AXIN1: variants seen among roughly 807,000 people sequenced by gnomAD.
AXIN1 encodes axin-1.
A neutral mutation model predicts 76.4 loss-of-function variants in AXIN1; 30 were observed. The ratio of observed to expected loss-of-function variants is 0.39; its 90% CI spans 0.29 to 0.53. The LOEUF (loss-of-function observed/expected upper bound fraction) is 0.53, where lower values mean the gene tolerates loss of function less well. AXIN1 is among the 20% of genes least tolerant of loss of function. The pLI is 0.66. For missense variants in AXIN1, 1,140 were observed against 1,198.8 expected, an observed-to-expected ratio of 0.95 and a Z score of 0.72; for synonymous variants, 545 against 501.4, an observed-to-expected ratio of 1.09 and a Z score of -1.16.
In AXIN1 at chr16:297,730, G is replaced by A. The variant is rs1467012917; in HGVS notation, c.1776C>T (p.Leu592=). The part of the protein sequence containing the change: ...VGAAPNASDG[L]AHSGKVGVAC... Reference sequence around the variant, plus strand: ...GACAGGCGCACGCTCACCTGTGGGCGAGGCCATCACTGGCGTTGGGGGCAG... The same window carrying A: ...GACAGGCGCACGCTCACCTGTGGGCAAGGCCATCACTGGCGTTGGGGGCAG... Residue 592 remains leucine, a synonymous_variant, in exon 6 of 11, where the codon CTC becomes CTT. Coordinates refer to ENST00000262320, the MANE Select transcript of AXIN1 (RefSeq NM_003502.4). 7 of 1,597,874 alleles carry A rather than the reference G, an allele frequency of 4.4e-6. No homozygotes were observed. The highest frequency in any genetic ancestry group is 1.1e-5 in the South Asian group (1 of 90,150).
chr16:334,422 TA>T (rs1567299018), intron 2 of AXIN1, among the ~76,000 whole-genome samples: 1 of 129,572 alleles, frequency 7.7e-6, no homozygotes, highest in African/African-American at 3.2e-5. Flanking sequence ...CATGGCATGC[TA>T]ATTACACAGC....
chr16:328,533 TAA>T (rs1036592793), intron 2 of AXIN1, among the ~76,000 whole-genome samples: 2 of 119,044 alleles, frequency 1.7e-5, no homozygotes, highest in Non-Finnish European at 1.8e-5. Context: ...CCATCTCTAC[TAA>T]AAAAAAAAAA....
Position 346,835 on chromosome 16 carries a change from G to A in AXIN1, c.191C>T (p.Ser64Leu), listed in dbSNP as rs1263260045. The A allele has an allele frequency of 4.3e-6, 7 of 1,613,344 alleles. No homozygotes were observed. Among genetic ancestry groups the A allele is most frequent in the African/African-American group, 4.0e-5 (3 of 74,944 alleles). Residue 64 changes from serine to leucine, a missense_variant, in exon 2 of 11, where the codon TCG becomes TTG. Physicochemically the swap from Ser to Leu is moderately radical, Grantham distance 145. Around this residue, in one of 3 missense-constraint regions of AXIN1, gnomAD observed 708 missense variants for 776.9 expected, o/e 0.91. Transcript: ENST00000262320. ...GETSTATPRR[S>L]DLDLGYEPEG... ...AGGCTCATACCCCAGGTCCAGATCC[G>A]AGCGCCTCGGAGTGGCCGTCGAAGT... is the stretch of plus-strand genomic sequence containing the variant.
In AXIN1 at chr16:346,465, G is replaced by T. The variant is rs149775058; in HGVS notation, c.561C>A (p.Thr187=). The change falls in exon 2 of 11, where the codon ACC becomes ACA. Residue 187 remains threonine (T), a synonymous_variant. Transcript: ENST00000262320. The stretch of plus-strand genomic sequence containing the variant: ...TTTCCTCCATAGTGGCCTGGATTTC[G>T]GTCTGGGCCTGGTCAAACATGGCAG... ...IDPAMFDQAQ[T]EIQATMEENT... is the part of the protein sequence containing the mutation. 1.2e-6 allele frequency: 2 copies of T among 1,614,122 alleles called. No individual in the cohort carries two copies. The highest frequency in any genetic ancestry group is 1.7e-6 in the Non-Finnish European group (2 of 1,180,036).
At position 289,614 on chromosome 16, in the gene AXIN1, A is replaced by G. The variant is rs1477383503; in HGVS notation, c.2295-7T>C. On this transcript the variant is annotated splice_region_variant and splice_polypyrimidine_tract_variant and intron_variant, in intron 9 of 10. Transcript: ENST00000262320. Reference sequence around the variant, plus strand: ...CTTCCTCTGCGATCTTGTCCTGGGGAAAGAGATGCAGCGGTGGTACCTGGT... The same window carrying G: ...CTTCCTCTGCGATCTTGTCCTGGGGGAAGAGATGCAGCGGTGGTACCTGGT... 6.2e-7 allele frequency: 1 copy of G among 1,612,474 alleles called. No homozygotes were observed. Among genetic ancestry groups the G allele is most frequent in the Non-Finnish European group, 8.5e-7 (1 of 1,179,888 alleles).
At chr16:289,743 G>T in intron 9 of AXIN1, 136 bp from the exon 10 acceptor site, 1 of 1,083,448 alleles carries the variant, frequency 9.2e-7, no homozygotes, top group Non-Finnish European at 1.3e-6. Context: ...AACACCTGGG[G>T]CCCGCAGCCC....
intron 3 of AXIN1, among the ~76,000 whole-genome samples, chr16:311,421 A>G (rs1283605329): frequency 1.3e-5 from 2 of 152,190 alleles, no homozygotes; most frequent in African/African-American, 4.8e-5. Context: ...CAGGGTTAAG[A>G]TAACTCACGC....
At chr16:345,999 T>C in intron 2 of AXIN1, 149 bp downstream of exon 2, 1 of 739,288 alleles carries the variant, frequency 1.4e-6, no homozygotes, top group Non-Finnish European at 2.3e-6. Context: ...TGCAAAAGTA[T>C]CACAAATAAG....
chr16:294,460 CAAAA>C (rs35746106), intron 7 of AXIN1, among the ~76,000 whole-genome samples: 1 of 48,288 alleles, frequency 2.1e-5, no homozygotes, highest in Admixed American at 2.9e-4. Flanking sequence ...GACTCCATCT[CAAAA>C]AAAAAAAAAA....
intron 2 of AXIN1, among the ~76,000 whole-genome samples, chr16:338,679 T>G (rs556311164): frequency 6.6e-6 from 1 of 152,188 alleles, no homozygotes; most frequent in Admixed American, 6.5e-5. Context: ...TTCCAGCACT[T>G]TGGGAGGCCA....
chr16:323,202 GGCCA>G (rs2053496789), intron 2 of AXIN1, among the ~76,000 whole-genome samples: 4 of 152,194 alleles, frequency 2.6e-5, no homozygotes, highest in Admixed American at 2.0e-4. Flanking sequence ...CACTTTGGGA[GGCCA>G]ACGCAGGCAT....
intron 2 of AXIN1, among the ~76,000 whole-genome samples, chr16:345,449 T>C (rs1204510063): frequency 6.6e-6 from 1 of 152,246 alleles, no homozygotes; most frequent in African/African-American, 2.4e-5. Flanking sequence ...ATGCGGCGGC[T>C]CACGCCTGTA....
At chr16:317,241 C>A (rs980982047) in intron 2 of AXIN1, among the ~76,000 whole-genome samples, 1 of 152,172 alleles carries the variant, frequency 6.6e-6, no homozygotes, top group Admixed American at 6.5e-5. Flanking sequence ...GCGAGCACTG[C>A]GAGCTGGGGA....
At chr16:297,560 G>T (rs557945619) in intron 6 of AXIN1, among the ~76,000 whole-genome samples, 162 bp downstream of exon 6, 2 of 152,310 alleles carry the variant, frequency 1.3e-5, no homozygotes, top group East Asian at 3.9e-4. Flanking sequence ...GTCACGGCGT[G>T]GACTCCCCTG....
intron 2 of AXIN1, among the ~76,000 whole-genome samples, chr16:326,246 C>T (rs574844325): frequency 5.4e-5 from 8 of 149,132 alleles, no homozygotes; most frequent in East Asian, 2.0e-4. Context: ...CCCAGCTACT[C>T]GGGAGGCTGA....
chr16:320,124 G>A (rs1022797059), intron 2 of AXIN1, among the ~76,000 whole-genome samples: 2 of 152,084 alleles, frequency 1.3e-5, no homozygotes, highest in Non-Finnish European at 2.9e-5. Context: ...CGCATTTCCT[G>A]CACTGACATT....
rs2141476816 is a variant in AXIN1 at position 291,301 on chromosome 16, G to A, written c.2187-4C>T. The A allele has an allele frequency of 6.4e-7, 1 of 1,572,426 alleles. No homozygotes were observed. Among genetic ancestry groups the A allele is most frequent in the Middle Eastern group, 1.7e-4 (1 of 5,962 alleles). On this transcript the variant is annotated splice_region_variant and splice_polypyrimidine_tract_variant and intron_variant, in intron 8 of 10. Transcript: ENST00000262320. ...CCGCATAACCTCCTGCACATACCTA[G>A]GGAACAACCCGCGTCAAAGGTGGCT...
chr16:324,985 G>A (rs571495466), intron 2 of AXIN1, among the ~76,000 whole-genome samples: 2 of 152,302 alleles, frequency 1.3e-5, no homozygotes, highest in South Asian at 4.2e-4. Flanking sequence ...CTCTACTGAC[G>A]CACGGCTGGG....
intron 4 of AXIN1, among the ~76,000 whole-genome samples, chr16:305,630 G>A (rs1175547736): frequency 2.0e-5 from 3 of 152,050 alleles, no homozygotes; most frequent in Non-Finnish European, 2.9e-5. Context: ...TGCAAGCTCC[G>A]CCTCCCGGGT....
Sources: gnomAD v4.1 joint callset for allele counts (sites outside exome capture counted in the v4.1 genomes callset) on GRCh38, gnomAD v4.1.1 for gene constraint, gnomAD v4.1.1 regional missense constraint, MANE v1.5 for transcripts, NCBI Gene and HGNC (gene_info 2026-07-23, HGNC 2026-07-21) for gene names.